The following KLHL25 variants were observed in gnomAD, a reference collection of about 807,000 sequenced individuals.
The protein encoded by KLHL25 is kelch-like protein 25.
A neutral mutation model predicts 30.0 loss-of-function variants in KLHL25; 41 were observed. That is an observed-to-expected ratio of 1.37 (90% CI 1.07 to 1.78). KLHL25 has a LOEUF of 1.78. Among genes scored for constraint, KLHL25 ranks in the 40% most tolerant of loss-of-function variants. The probability of loss-of-function intolerance (pLI) is 0.00; values close to 1 mark genes in which losing one functional copy is unlikely to be tolerated. For synonymous variants in KLHL25, 399 were observed against 355.3 expected, an observed-to-expected ratio of 1.12 and a Z score of -1.38; for missense variants, 971 against 824.5, an observed-to-expected ratio of 1.18 and a Z score of -2.18.
At chr15:85,792,067 C>G (rs1264704403) in intron 1 of KLHL25, among the ~76,000 whole-genome samples, 1 of 152,174 alleles carries the variant, frequency 6.6e-6, no homozygotes, top group Non-Finnish European at 1.5e-5. Context: ...TTGAAGATGA[C>G]AGGTGTCAGC....
At position 85,768,728 on chromosome 15, in the gene KLHL25, G is replaced by A. The variant is rs777887327; in HGVS notation, c.1083C>T (p.Tyr361=). ...TGGACCATTCCTCATGTACGGTGTC[G>A]TACACCCAGACATCCTTGGAGACCC... is the stretch of plus-strand genomic sequence containing the variant. ...ENGVSKDVWV[Y]DTVHEEWSKA... Residue 361 remains tyrosine, a synonymous_variant, in exon 2 of 3, where the codon TAC becomes TAT. Coordinates refer to ENST00000337975, the MANE Select transcript of KLHL25 (RefSeq NM_022480.4). The A allele has an allele frequency of 5.6e-6, 9 of 1,613,194 alleles. No individual in the cohort carries two copies. Among genetic ancestry groups the A allele is most frequent in the African/African-American group, 1.3e-5 (1 of 74,952 alleles).
At chr15:85,787,407 T>C (rs1022795969) in intron 1 of KLHL25, among the ~76,000 whole-genome samples, 25 of 152,014 alleles carry the variant, frequency 1.6e-4, no homozygotes, top group Non-Finnish European at 3.1e-4. Context: ...GATCATGCCA[T>C]TGCACTCCAG....
intron 1 of KLHL25, among the ~76,000 whole-genome samples, chr15:85,770,276 AGAG>A (rs2089662335): frequency 6.6e-6 from 1 of 152,256 alleles, no homozygotes; most frequent in Non-Finnish European, 1.5e-5. Context: ...GCCACAGCTC[AGAG>A]AGGCCAAGAA....
intron 1 of KLHL25, among the ~76,000 whole-genome samples, chr15:85,794,060 G>A (rs1281430949): frequency 6.6e-6 from 1 of 152,198 alleles, no homozygotes; most frequent in Non-Finnish European, 1.5e-5. Flanking sequence ...GGGGAGTGGG[G>A]GCGTAACATC....
Position 85,769,313 on chromosome 15 carries a change from C to G in KLHL25, c.498G>C (p.Glu166Asp). 6.2e-7 allele frequency: 1 copy of G among 1,614,102 alleles called. No homozygotes were observed. The highest frequency in any genetic ancestry group is 8.5e-7 in the Non-Finnish European group (1 of 1,180,042). ...SDAHQCRRLY[E>D]FSWRMCLVHF... ...GCACCAGGCACATGCGCCAGGAGAA[C>G]TCATACAGCCGGCGGCACTGGTGGG... is the stretch of plus-strand genomic sequence containing the variant. The change falls in exon 2 of 3, where the codon GAG (glutamate) becomes GAC (aspartate). Residue 166 changes from glutamate (E) to aspartate (D), a missense_variant. By Grantham distance (45) the Glu-to-Asp change is conservative. Transcript: ENST00000337975.
At position 85,769,294 on chromosome 15, in the gene KLHL25, G is replaced by A. The variant is rs2089651098; in HGVS notation, c.517C>T (p.Leu173=). The change falls in exon 2 of 3, where the codon CTG becomes TTG. Residue 173 remains leucine (L), a synonymous_variant. Coordinates refer to ENST00000337975, the MANE Select transcript of KLHL25 (RefSeq NM_022480.4). The part of the protein sequence containing the change: ...RLYEFSWRMC[L]VHFETVRQSE... ...TGCCTCACCGTCTCAAAGTGCACCA[G>A]GCACATGCGCCAGGAGAACTCATAC... The A allele has an allele frequency of 6.2e-7, 1 of 1,613,990 alleles. No individual in the cohort carries two copies. The highest frequency in any genetic ancestry group is 8.5e-7 in the Non-Finnish European group (1 of 1,179,982).
intron 1 of KLHL25, among the ~76,000 whole-genome samples, chr15:85,786,156 T>TAC (rs781331656): frequency 6.6e-5 from 10 of 152,208 alleles, no homozygotes; most frequent in Non-Finnish European, 1.5e-4. Context: ...AAGCCCTCCC[T>TAC]ACCAAAGCCC....
At chr15:85,771,508 T>A (rs535596726) in intron 1 of KLHL25, among the ~76,000 whole-genome samples, 119 of 152,330 alleles carry the variant, frequency 7.8e-4, no homozygotes, top group African/African-American at 2.7e-3. Flanking sequence ...TCACTCCTCC[T>A]CTGGAAAAGA....
At chr15:85,772,032 T>C (rs927336108) in intron 1 of KLHL25, among the ~76,000 whole-genome samples, 2 of 152,214 alleles carry the variant, frequency 1.3e-5, no homozygotes, top group Non-Finnish European at 2.9e-5. Context: ...CAAATCTTGC[T>C]GTGATTGCTA....
chr15:85,783,694 T>A (rs1417550114), intron 1 of KLHL25, among the ~76,000 whole-genome samples: 140 of 136,390 alleles, frequency 1.0e-3, no homozygotes, highest in Non-Finnish European at 1.1e-3. Context: ...TCCACCTCAA[T>A]AAAAAAAAAA....
Position 85,791,251 on chromosome 15 carries a change from T to C in KLHL25, c.-11+3515A>G, listed in dbSNP as rs1236900602. On this transcript the variant is annotated intron_variant, in intron 1 of 2. Transcript: ENST00000337975. ...TGGCTCATGCCTGTAATCCCAGCACTTTAGGAGGCTGAGGCGGGTGGATCA... is the reference window on the plus strand; with the variant it reads ...TGGCTCATGCCTGTAATCCCAGCACCTTAGGAGGCTGAGGCGGGTGGATCA... Among the ~76,000 whole-genome samples the C allele has an allele frequency of 2.7e-5, 4 of 145,636 alleles. No homozygotes were observed. The South Asian group carries it at 6.5e-4, about 24-fold the overall frequency.
At chr15:85,791,215 G>A (rs2089814664) in intron 1 of KLHL25, among the ~76,000 whole-genome samples, 1 of 93,672 alleles carries the variant, frequency 1.1e-5, no homozygotes, top group Non-Finnish European at 2.5e-5. Context: ...AAAGAAAAAT[G>A]CCAGGCACAG....
chr15:85,782,732 C>CAG (rs2089752120), intron 1 of KLHL25, among the ~76,000 whole-genome samples: 1 of 152,170 alleles, frequency 6.6e-6, no homozygotes, highest in Non-Finnish European at 1.5e-5. Flanking sequence ...ATATGGCATG[C>CAG]AGTAAATAAC....
intron 1 of KLHL25, among the ~76,000 whole-genome samples, chr15:85,777,420 C>T (rs1444249507): frequency 6.6e-6 from 1 of 152,160 alleles, no homozygotes; most frequent in Non-Finnish European, 1.5e-5. Context: ...CACAGTGTCC[C>T]TTGTGGACAA....
intron 1 of KLHL25, among the ~76,000 whole-genome samples, chr15:85,784,886 G>C (rs1443607014): frequency 2.0e-5 from 3 of 152,238 alleles, no homozygotes; most frequent in South Asian, 2.1e-4. Context: ...TAATCAATAG[G>C]AACTGATTAA....
At chr15:85,790,584 G>T (rs2089810082) in intron 1 of KLHL25, among the ~76,000 whole-genome samples, 1 of 152,154 alleles carries the variant, frequency 6.6e-6, no homozygotes, top group South Asian at 2.1e-4. Context: ...CAGGGGTAAG[G>T]GAACCTGCAT....
chr15:85,772,733 GAGA>G (rs2089685446), intron 1 of KLHL25, among the ~76,000 whole-genome samples: 1 of 152,250 alleles, frequency 6.6e-6, no homozygotes, highest in African/African-American at 2.4e-5. Flanking sequence ...CAATGGTCCA[GAGA>G]AGGAGGCAGA....
chr15:85,779,961 T>A (rs1289971589), intron 1 of KLHL25, among the ~76,000 whole-genome samples: 1 of 152,252 alleles, frequency 6.6e-6, no homozygotes, highest in Non-Finnish European at 1.5e-5. Flanking sequence ...AATGTTTTTA[T>A]GTCATACCGT....
chr15:85,776,172 C>CAAA (rs60382493), intron 1 of KLHL25, among the ~76,000 whole-genome samples: 1 of 127,312 alleles, frequency 7.9e-6, no homozygotes. Flanking sequence ...GACTCTGTCT[C>CAAA]AAAAAAAAAA....
Sources: allele counts gnomAD v4.1 joint callset (sites outside exome capture counted in the v4.1 genomes callset), GRCh38; gene constraint gnomAD v4.1.1; transcripts MANE v1.5; gene names NCBI Gene and HGNC (gene_info 2026-07-23, HGNC 2026-07-21).